The following BRD7 variants were observed in gnomAD, a reference collection of about 807,000 sequenced individuals.
The protein encoded by BRD7 is bromodomain-containing protein 7.
A neutral mutation model predicts 82.1 loss-of-function variants in BRD7; 15 were observed. That is an observed-to-expected ratio of 0.18 (90% CI 0.12 to 0.28). The LOEUF is 0.28. Among genes scored for constraint, BRD7 ranks in the 10% least tolerant of loss-of-function variants. BRD7 has a pLI of 1.00. For synonymous variants in BRD7, 232 were observed against 266.9 expected, an observed-to-expected ratio of 0.87 and a Z score of 1.27; for missense variants, 638 against 779.9, an observed-to-expected ratio of 0.82 and a Z score of 2.17.
At chr16:50,346,781 C>CA (rs975858333) in intron 5 of BRD7, among the ~76,000 whole-genome samples, 1 of 151,912 alleles carries the variant, frequency 6.6e-6, no homozygotes, top group Non-Finnish European at 1.5e-5. Context: ...GCCTACCAAC[C>CA]AAAAAAAGTC....
intron 2 of BRD7, among the ~76,000 whole-genome samples, chr16:50,360,642 C>T (rs2038903436): frequency 2.0e-5 from 3 of 152,192 alleles, no homozygotes; most frequent in Admixed American, 6.5e-5. Context: ...ACTTTCATGT[C>T]TGATTCCTGG....
intron 2 of BRD7, among the ~76,000 whole-genome samples, chr16:50,359,495 T>C (rs975921981): frequency 1.3e-5 from 2 of 152,206 alleles, no homozygotes; most frequent in Admixed American, 6.5e-5. Context: ...TGTGGCTATA[T>C]AGTGAAAGAG....
chr16:50,319,375 T>G, intron 16 of BRD7, 109 bp from the exon 17 acceptor site: 1 of 972,042 alleles, frequency 1.0e-6, no homozygotes, highest in South Asian at 1.5e-5. Flanking sequence ...AGAGCCCTTC[T>G]TCACCACATC....
At chr16:50,360,264 T>C (rs2038888780) in intron 2 of BRD7, among the ~76,000 whole-genome samples, 1 of 152,206 alleles carries the variant, frequency 6.6e-6, no homozygotes, top group Non-Finnish European at 1.5e-5. Flanking sequence ...CAGCATGACA[T>C]AGGAACACAA....
chr16:50,328,428 G>A (rs1267242878), intron 9 of BRD7, among the ~76,000 whole-genome samples: 1 of 152,072 alleles, frequency 6.6e-6, no homozygotes, highest in South Asian at 2.1e-4. Flanking sequence ...TGTTAATGGC[G>A]GGTTTAAAAT....
chr16:50,316,219 GACT>G lies in BRD7; in HGVS notation c.*2989_*2991del, dbSNP rs1401710796. ...TTTTTAACCACTGACATGTAAGGAG[GACT>G]ACTGTCTAGCATCAGCTTATGGGGT... On this transcript the variant is annotated 3_prime_UTR_variant, in exon 17 of 17. Transcript: ENST00000394688. 6.6e-6 allele frequency: 1 copy of G among 152,412 alleles called. No individual in the cohort carries two copies. Among genetic ancestry groups the G allele is most frequent in the Non-Finnish European group, 1.5e-5 (1 of 68,108 alleles). The allele number at this position is 152,412 out of a possible 1,614,324, so 9.4% of individuals were successfully genotyped here.
chr16:50,320,281 G>A lies in BRD7; in HGVS notation c.1723C>T (p.Leu575Phe). 1.9e-6 allele frequency: 3 copies of A among 1,614,146 alleles called. No homozygotes were observed. Among genetic ancestry groups the A allele is most frequent in the Non-Finnish European group, 2.5e-6 (3 of 1,180,020 alleles). Residue 575 changes from leucine (L) to phenylalanine (F), a missense_variant, in exon 15 of 17, where the codon CTC becomes TTC. Leu to Phe is a conservative substitution (Grantham distance 22). This residue lies in a region of BRD7 where 402 missense variants were observed against 500.8 expected (regional missense o/e 0.80). Coordinates refer to ENST00000394688, the MANE Select transcript of BRD7 (RefSeq NM_013263.5). ...STRPPPNMIC[L>F]LGPSYREMHL... ...ATTTCTCTGTATGAGGGACCCAAGA[G>A]ACAGATCATGTTCGGAGGGGGTCTG...
chr16:50,316,530 T>C lies in BRD7; in HGVS notation c.*2681A>G, dbSNP rs2036807476. 1 of 152,388 alleles carries C rather than the reference T, an allele frequency of 6.6e-6. No homozygotes were observed. The highest frequency in any genetic ancestry group is 2.4e-5 in the African/African-American group (1 of 41,456). The allele number at this position is 152,388 out of a possible 1,614,324, so 9.4% of individuals were successfully genotyped here. ...TGAGTGCATCTCTTCTTTCCTTTAG[T>C]CTTCACAGCTAACTCTGGAGAGCTT... On this transcript the variant is annotated 3_prime_UTR_variant, in exon 17 of 17. Coordinates refer to ENST00000394688, the MANE Select transcript of BRD7 (RefSeq NM_013263.5).
chr16:50,316,185 T>C lies in BRD7; in HGVS notation c.*3026A>G, dbSNP rs2036791065. The stretch of plus-strand genomic sequence containing the variant: ...ACATAAATCTCTTCCCTCCAGTGTA[T>C]GCTCTGCCTTTTTAACCACTGACAT... On this transcript the variant is annotated 3_prime_UTR_variant, in exon 17 of 17. Coordinates refer to ENST00000394688, the MANE Select transcript of BRD7 (RefSeq NM_013263.5). 6.6e-6 allele frequency: 1 copy of C among 152,514 alleles called. No individual in the cohort carries two copies. The highest frequency in any genetic ancestry group is 1.5e-5 in the Non-Finnish European group (1 of 68,168). The allele number at this position is 152,514 out of a possible 1,614,324, so 9.4% of individuals were successfully genotyped here.
At chr16:50,352,307 T>C (rs2038560245) in intron 4 of BRD7, among the ~76,000 whole-genome samples, 1 of 152,258 alleles carries the variant, frequency 6.6e-6, no homozygotes, top group African/African-American at 2.4e-5. Flanking sequence ...CAGTATTTGT[T>C]CTTCTGTGTT....
chr16:50,342,455 CT>C (rs34093559), intron 5 of BRD7, among the ~76,000 whole-genome samples: 9 of 102,940 alleles, frequency 8.7e-5, no homozygotes, highest in Admixed American at 2.5e-4. Flanking sequence ...AAGACACTGT[CT>C]TTTTTTTTTT....
chr16:50,345,322 T>C lies in BRD7; in HGVS notation c.591+4701A>G, dbSNP rs557493672. 7.8e-4 allele frequency among the ~76,000 whole-genome samples: 118 copies of C among 152,248 alleles called. 6 individuals carry two copies. The highest frequency in any genetic ancestry group is 8.3e-4 in the South Asian group (4 of 4,818). On this transcript the variant is annotated intron_variant, in intron 5 of 16. Transcript: ENST00000394688. ...CCAGCCACTGCAAAAACAGGCCAAA[T>C]TGTAAAGACCATCAAGGCTAGAAAG...
intron 5 of BRD7, chr16:50,349,257 C>T (rs9934876): frequency 1 from 203,546 of 203,648 alleles, 101,722 homozygotes; most frequent in Middle Eastern, 1. Flanking sequence ...GGGGTGGGGG[C>T]ATGGGGGAGG....
chr16:50,351,834 G>A (rs562756651), intron 4 of BRD7, among the ~76,000 whole-genome samples: 3 of 89,500 alleles, frequency 3.4e-5, no homozygotes, highest in East Asian at 4.0e-4. Context: ...GTGTATCCTT[G>A]TATGTATGTA....
intron 2 of BRD7, among the ~76,000 whole-genome samples, chr16:50,366,354 A>G (rs775426629): frequency 3.9e-5 from 6 of 152,230 alleles, no homozygotes; most frequent in Admixed American, 6.5e-5. Context: ...AGCCTCCAGG[A>G]GACAGAAAGC....
At chr16:50,358,628 A>T (rs2038831387) in intron 2 of BRD7, among the ~76,000 whole-genome samples, 1 of 152,190 alleles carries the variant, frequency 6.6e-6, no homozygotes, top group Non-Finnish European at 1.5e-5. Flanking sequence ...TATCTTACAG[A>T]GTTGATAAGA....
chr16:50,319,575 G>A (rs2036980207), intron 16 of BRD7, among the ~76,000 whole-genome samples: 1 of 151,800 alleles, frequency 6.6e-6, no homozygotes, highest in South Asian at 2.1e-4. Context: ...TCAACCAACT[G>A]CCAATTAAAA....
intron 7 of BRD7, 106 bp downstream of exon 7, chr16:50,334,605 G>A (rs1226628253): frequency 7.5e-6 from 10 of 1,327,274 alleles, no homozygotes; most frequent in African/African-American, 1.5e-5. Context: ...CACCACCACC[G>A]ACACACTAGC....
At chr16:50,334,546 TGAG>T (rs1425119278) in intron 7 of BRD7, among the ~76,000 whole-genome samples, 162 bp downstream of exon 7, 1 of 152,140 alleles carries the variant, frequency 6.6e-6, no homozygotes, top group Non-Finnish European at 1.5e-5. Context: ...GTGCTTCATA[TGAG>T]AAGAGGGGTA....
Sources: gnomAD v4.1 joint callset for allele counts (sites outside exome capture counted in the v4.1 genomes callset) on GRCh38, gnomAD v4.1.1 for gene constraint, gnomAD v4.1.1 regional missense constraint, MANE v1.5 for transcripts, NCBI Gene and HGNC (gene_info 2026-07-23, HGNC 2026-07-21) for gene names.